The following CSMD2 variants were observed in gnomAD, a reference collection of about 807,000 sequenced individuals.
CSMD2 encodes the protein CUB and Sushi multiple domains 2, also known as CUB and sushi domain-containing protein 2.
CSMD2 carries 130 observed loss-of-function variants against 398.5 expected under a neutral mutation model. That is an observed-to-expected ratio of 0.33 (90% confidence interval 0.28 to 0.38). The LOEUF is 0.38. Ranked by LOEUF, CSMD2 falls within the 10% of genes least tolerant of loss-of-function variation. CSMD2 has a pLI of 1.00. For missense variants in CSMD2, 3,829 were observed against 4,764.9 expected, an observed-to-expected ratio of 0.80 and a Z score of 5.78; for synonymous variants, 1,828 against 1,908.5, an observed-to-expected ratio of 0.96 and a Z score of 1.10.
intron 7 of CSMD2, among the ~76,000 whole-genome samples, chr1:33,821,065 C>G (rs1171754433): frequency 2.0e-5 from 3 of 152,190 alleles, no homozygotes; most frequent in Admixed American, 2.0e-4. Flanking sequence ...AAAGCTGGGA[C>G]TTCAGCTCAA....
At chr1:34,151,208 C>G (rs1041178237) in intron 1 of CSMD2, among the ~76,000 whole-genome samples, 1 of 152,198 alleles carries the variant, frequency 6.6e-6, no homozygotes, top group Non-Finnish European at 1.5e-5. Context: ...TAGCTTATAA[C>G]TGTCCCTGGG....
intron 3 of CSMD2, among the ~76,000 whole-genome samples, chr1:33,956,358 A>G (rs1164972331): frequency 6.6e-6 from 1 of 152,054 alleles, no homozygotes. Context: ...CCACCAGTCT[A>G]CTTTCTGTCT....
intron 3 of CSMD2, among the ~76,000 whole-genome samples, chr1:33,957,508 T>C (rs1307040011): frequency 1.3e-5 from 2 of 152,184 alleles, no homozygotes; most frequent in African/African-American, 2.4e-5. Flanking sequence ...ACTTTCTGTG[T>C]CATCAAAGGA....
chr1:33,592,043 T>C (rs1022651353), intron 44 of CSMD2: 26 of 310,034 alleles, frequency 8.4e-5, no homozygotes, highest in African/African-American at 4.4e-4. Context: ...CCTAGGTTGT[T>C]GTATTCCTTG....
At chr1:33,689,147 C>T (rs1053365035) in intron 25 of CSMD2, among the ~76,000 whole-genome samples, 31 of 151,486 alleles carry the variant, frequency 2.0e-4, no homozygotes, top group African/African-American at 4.9e-4. Context: ...AGGGGGAGGA[C>T]GGAGTGAGCA....
At position 33,537,120 on chromosome 1, in the gene CSMD2, G is replaced by C; in HGVS notation, c.9806-25C>G. 1 of 1,613,432 alleles carries C rather than the reference G, an allele frequency of 6.2e-7. No individual in the cohort carries two copies. Among genetic ancestry groups the C allele is most frequent in the African/African-American group, 1.3e-5 (1 of 75,012 alleles). On this transcript the variant is annotated intron_variant, in intron 61 of 70. Transcript: ENST00000373381. This position sits in a 1 kb window ranked among gnomAD's most constrained non-coding sequence, Gnocchi z 4.6. ...TCTGGATGGCCAAAACAAAGACACA[G>C]ATCACATGGTCATGGAAGCCTTCAC... is the stretch of plus-strand genomic sequence containing the variant.
intron 1 of CSMD2, among the ~76,000 whole-genome samples, chr1:34,098,568 G>A (rs1204304085): frequency 6.6e-6 from 1 of 151,876 alleles, no homozygotes; most frequent in Non-Finnish European, 1.5e-5. Flanking sequence ...AAATAGTGTG[G>A]GGGTGGTCCA....
chr1:33,936,460 G>C (rs576048740), intron 3 of CSMD2, among the ~76,000 whole-genome samples: 13 of 152,330 alleles, frequency 8.5e-5, no homozygotes, highest in Admixed American at 2.6e-4. Context: ...AGGTTCAGGG[G>C]AGTTGAAAGG....
chr1:33,932,521 T>C (rs1644346022), intron 4 of CSMD2, among the ~76,000 whole-genome samples: 2 of 152,138 alleles, frequency 1.3e-5, no homozygotes, highest in Admixed American at 1.3e-4. Context: ...GCCCATGAAT[T>C]ACTGTGTGGT....
At chr1:33,838,356 C>G (rs2125058644) in intron 6 of CSMD2, among the ~76,000 whole-genome samples, 1 of 152,346 alleles carries the variant, frequency 6.6e-6, no homozygotes, top group African/African-American at 2.4e-5. Context: ...GCAGATTCAT[C>G]CCCTCCAGCC....
At chr1:33,959,363 T>G (rs1391738672) in intron 3 of CSMD2, among the ~76,000 whole-genome samples, 1 of 152,058 alleles carries the variant, frequency 6.6e-6, no homozygotes, top group Admixed American at 6.5e-5. Context: ...CACAGATATT[T>G]AAGTCAGAAA....
chr1:33,819,469 G>A (rs558320450), intron 9 of CSMD2, among the ~76,000 whole-genome samples: 1 of 152,186 alleles, frequency 6.6e-6, no homozygotes, highest in Non-Finnish European at 1.5e-5. Flanking sequence ...AGACTGTAAG[G>A]TCCATGCAGG....
intron 9 of CSMD2, among the ~76,000 whole-genome samples, chr1:33,812,053 G>T (rs1354519705): frequency 6.6e-6 from 1 of 152,166 alleles, no homozygotes; most frequent in African/African-American, 2.4e-5. Context: ...AGGAGGGTCT[G>T]GGAAGCAGGT....
Position 34,089,113 on chromosome 1 carries a change from C to T in CSMD2, c.268G>A (p.Ala90Thr), listed in dbSNP as rs773323598. ...PGFPYGYPNY[A>T]NCTWTITAEE... ...GCGGTGATGGTCCACGTGCAGTTGGCGTAATTGGGGTAGCCATATGGGAAC... is the reference window on the plus strand; with the variant it reads ...GCGGTGATGGTCCACGTGCAGTTGGTGTAATTGGGGTAGCCATATGGGAAC... Residue 90 changes from alanine (A) to threonine (T), a missense_variant, in exon 2 of 71, where the codon GCC (alanine) becomes ACC (threonine). Physicochemically the swap from Ala to Thr is moderately conservative, Grantham distance 58. This residue lies in a region of CSMD2 where 184 missense variants were observed against 217.7 expected (regional missense o/e 0.85). Transcript: ENST00000373381. 6.8e-6 allele frequency: 11 copies of T among 1,613,924 alleles called. No homozygotes were observed. The highest frequency in any genetic ancestry group is 1.7e-5 in the Admixed American group (1 of 59,982).
chr1:33,572,834 G>C (rs930713323), intron 49 of CSMD2, 143 bp from the exon 50 acceptor site: 1 of 540,702 alleles, frequency 1.8e-6, no homozygotes, highest in Non-Finnish European at 2.9e-6. Flanking sequence ...AAAGAAAATG[G>C]GAGGATCATC....
chr1:33,748,686 C>G (rs192430510), intron 13 of CSMD2, among the ~76,000 whole-genome samples: 2 of 151,958 alleles, frequency 1.3e-5, no homozygotes, highest in African/African-American at 4.8e-5. Context: ...GAGCCCATTA[C>G]AAAATAAAGA....
intron 1 of CSMD2, among the ~76,000 whole-genome samples, chr1:34,141,541 A>C (rs574808109): frequency 4.6e-5 from 7 of 152,300 alleles, no homozygotes; most frequent in Admixed American, 2.6e-4. Context: ...GTGGCTACCC[A>C]GGGGATGGAG....
intron 7 of CSMD2, among the ~76,000 whole-genome samples, chr1:33,820,843 G>A (rs546044634): frequency 2.4e-4 from 37 of 152,086 alleles, no homozygotes; most frequent in Admixed American, 1.1e-3. Flanking sequence ...TGCTTCCCTC[G>A]TCCCACACCA....
chr1:33,940,012 A>G (rs757664347), intron 3 of CSMD2, among the ~76,000 whole-genome samples: 10 of 152,244 alleles, frequency 6.6e-5, no homozygotes, highest in Non-Finnish European at 1.3e-4. Flanking sequence ...AAAACAACAG[A>G]AACTTATTTT....
Sources: allele counts gnomAD v4.1 joint callset (sites outside exome capture counted in the v4.1 genomes callset), GRCh38; gene constraint gnomAD v4.1.1; regional missense constraint gnomAD v4.1.1; non-coding constraint Gnocchi (gnomAD v3.1); transcripts MANE v1.5; gene names NCBI Gene and HGNC (gene_info 2026-07-23, HGNC 2026-07-21).